TBC1D32: variants seen among roughly 807,000 people sequenced by gnomAD.
TBC1D32 encodes the protein TBC1 domain family member 32, also known as protein broad-minded.
In TBC1D32, 151 loss-of-function variants were observed where a neutral mutation model predicts 170.3. That is an observed-to-expected ratio of 0.89 (90% CI 0.78 to 1.01). TBC1D32 has a LOEUF of 1.01. Among genes scored for constraint, TBC1D32 ranks in the 50% least tolerant of loss-of-function variants. TBC1D32 has a pLI of 0.00. For missense variants in TBC1D32, 1,464 were observed against 1,457.1 expected (o/e 1.00, Z -0.08); for synonymous variants, 498 against 488.0 (o/e 1.02, Z -0.27).
chr6:121,320,302 C>T (rs1228800694), intron 2 of TBC1D32, among the ~76,000 whole-genome samples: 1 of 150,006 alleles, frequency 6.7e-6, no homozygotes, highest in East Asian at 1.9e-4. Context: ...TAAACATTTA[C>T]CGAGTCATTT....
chr6:121,277,257 G>A lies in TBC1D32; in HGVS notation c.1733+1864C>T, dbSNP rs190792125. On this transcript the variant is annotated intron_variant, in intron 15 of 31. Transcript: ENST00000398212. ...TAATCCCAGTACTTTGGGGGCCAAGGCAGGTGAATCACTTGAGGTCAGGAG... is the reference window on the plus strand; with the variant it reads ...TAATCCCAGTACTTTGGGGGCCAAGACAGGTGAATCACTTGAGGTCAGGAG... 8.2e-4 allele frequency among the ~76,000 whole-genome samples: 125 copies of A among 152,198 alleles called. 1 individual carries two copies. Among genetic ancestry groups the A allele is most frequent in the Admixed American group, 5.2e-4 (8 of 15,274 alleles).
intron 22 of TBC1D32, among the ~76,000 whole-genome samples, chr6:121,179,490 T>TA (rs1332363941): frequency 1.3e-5 from 2 of 151,770 alleles, no homozygotes; most frequent in African/African-American, 4.8e-5. Context: ...ATGATAATAA[T>TA]AGACGATATA....
At chr6:121,091,417 C>T (rs900226363) in intron 30 of TBC1D32, among the ~76,000 whole-genome samples, 15 of 151,774 alleles carry the variant, frequency 9.9e-5, no homozygotes, top group Admixed American at 3.9e-4. Flanking sequence ...TTCTATACTA[C>T]CTACAACCAC....
At chr6:121,255,434 T>C (rs1727998449) in intron 16 of TBC1D32, 24 bp from the exon 17 acceptor site, 2 of 1,120,320 alleles carry the variant, frequency 1.8e-6, no homozygotes, top group Non-Finnish European at 2.5e-6. Context: ...GAATAATTTA[T>C]ATTGCTTACT....
chr6:121,209,072 G>A (rs1026754002), intron 21 of TBC1D32, among the ~76,000 whole-genome samples: 1 of 151,794 alleles, frequency 6.6e-6, no homozygotes, highest in African/African-American at 2.4e-5. Context: ...CTTATTATCT[G>A]CCAGGTAGTG....
intron 26 of TBC1D32, among the ~76,000 whole-genome samples, chr6:121,118,056 G>T (rs149804474): frequency 4.6e-5 from 7 of 152,230 alleles, no homozygotes; most frequent in African/African-American, 1.7e-4. Flanking sequence ...GAAAAACAGT[G>T]TGTAGGATAC....
At chr6:121,160,604 A>C (rs1785497411) in intron 23 of TBC1D32, among the ~76,000 whole-genome samples, 1 of 152,142 alleles carries the variant, frequency 6.6e-6, no homozygotes, top group Non-Finnish European at 1.5e-5. Context: ...TAAAATAAAA[A>C]ATAATGTCAT....
At chr6:121,240,675 G>C (rs1454041335) in intron 19 of TBC1D32, among the ~76,000 whole-genome samples, 1 of 151,580 alleles carries the variant, frequency 6.6e-6, no homozygotes, top group African/African-American at 2.4e-5. Context: ...AATCACCTGA[G>C]GTCAGAGTTC....
chr6:121,232,314 G>A (rs1368747274), intron 20 of TBC1D32, among the ~76,000 whole-genome samples: 1 of 152,088 alleles, frequency 6.6e-6, no homozygotes, highest in Non-Finnish European at 1.5e-5. Context: ...ACGTCATTCT[G>A]TTAACTGTAG....
At chr6:121,185,507 A>C (rs1562815126) in intron 22 of TBC1D32, among the ~76,000 whole-genome samples, 1 of 152,116 alleles carries the variant, frequency 6.6e-6, no homozygotes, top group African/African-American at 2.4e-5. Context: ...TGAGTTGAAC[A>C]ATATGGATTC....
At chr6:121,192,518 T>C (rs892164526) in intron 22 of TBC1D32, 1 of 152,158 alleles carries the variant, frequency 6.6e-6, no homozygotes, top group Non-Finnish European at 1.5e-5. Flanking sequence ...TCCGCTAAGA[T>C]TGCCCATAGT....
chr6:121,267,956 C>T (rs973411563), intron 15 of TBC1D32, among the ~76,000 whole-genome samples: 1 of 152,130 alleles, frequency 6.6e-6, no homozygotes, highest in African/African-American at 2.4e-5. Context: ...GCAATATTTG[C>T]TGTTCTGCAG....
At chr6:121,276,630 C>A (rs1050583476) in intron 15 of TBC1D32, among the ~76,000 whole-genome samples, 1 of 151,940 alleles carries the variant, frequency 6.6e-6, no homozygotes, top group Admixed American at 6.6e-5. Context: ...AGTCAAGACC[C>A]AACTACATGT....
chr6:121,104,441 G>A (rs1026706267), intron 30 of TBC1D32, among the ~76,000 whole-genome samples: 15 of 151,618 alleles, frequency 9.9e-5, no homozygotes, highest in South Asian at 8.3e-4. Context: ...TCTACTTAAC[G>A]ATAACATGCT....
At chr6:121,101,001 T>A (rs1777989492) in intron 30 of TBC1D32, among the ~76,000 whole-genome samples, 1 of 152,066 alleles carries the variant, frequency 6.6e-6, no homozygotes. Flanking sequence ...AATGGATAAA[T>A]TCCTGGACAC....
At chr6:121,307,277 G>C (rs573779842) in intron 5 of TBC1D32, among the ~76,000 whole-genome samples, 15 of 152,064 alleles carry the variant, frequency 9.9e-5, no homozygotes, top group Non-Finnish European at 1.9e-4. Flanking sequence ...TTGGGAGACT[G>C]AGGTGGGAAG....
intron 10 of TBC1D32, 79 bp from the exon 11 acceptor site, chr6:121,294,739 T>A: frequency 1.8e-6 from 2 of 1,091,622 alleles, no homozygotes; most frequent in Non-Finnish European, 2.8e-6. Flanking sequence ...GTCAAAGCTG[T>A]AAAAATACTT....
chr6:121,172,241 G>A (rs751136174), intron 22 of TBC1D32, among the ~76,000 whole-genome samples: 111 of 152,238 alleles, frequency 7.3e-4, no homozygotes, highest in African/African-American at 2.7e-3. Context: ...TCTCAGGTAT[G>A]TCTTTATCAG....
chr6:121,130,258 G>T (rs1467727627), intron 25 of TBC1D32, among the ~76,000 whole-genome samples: 1 of 152,058 alleles, frequency 6.6e-6, no homozygotes, highest in East Asian at 1.9e-4. Flanking sequence ...GAGGCGGGTG[G>T]ATCACCTGAG....
Sources: gnomAD v4.1 joint callset for allele counts (sites outside exome capture counted in the v4.1 genomes callset) on GRCh38, gnomAD v4.1.1 for gene constraint, MANE v1.5 for transcripts, NCBI Gene and HGNC (gene_info 2026-07-23, HGNC 2026-07-21) for gene names.